The following FAM53B variants were observed in gnomAD, a reference collection of about 807,000 sequenced individuals.
FAM53B encodes family with sequence similarity 53 member B, also known as protein FAM53B.
Under a neutral mutation model 32.7 loss-of-function variants are expected in FAM53B, and 12 were observed. That is an observed-to-expected ratio of 0.37 (90% CI 0.24 to 0.59). FAM53B has a LOEUF of 0.59. Among genes scored for constraint, FAM53B ranks in the 20% least tolerant of loss-of-function variants. FAM53B has a pLI of 0.72. For synonymous variants in FAM53B, 234 were observed against 228.7 expected (o/e 1.02, Z -0.21); for missense variants, 477 against 577.7 (o/e 0.83, Z 1.79).
chr10:124,706,491 GC>G, intron 2 of FAM53B, 144 bp downstream of exon 2: 1 of 914,078 alleles, frequency 1.1e-6, no homozygotes. Context: ...GTGCCCTGTT[GC>G]CCCAGCCCGG....
At chr10:124,675,850 C>A (rs1949733331) in intron 4 of FAM53B, among the ~76,000 whole-genome samples, 1 of 152,376 alleles carries the variant, frequency 6.6e-6, no homozygotes, top group South Asian at 2.1e-4. Context: ...CCCAACTCTT[C>A]CTGTACTCTA....
intron 3 of FAM53B, among the ~76,000 whole-genome samples, chr10:124,695,370 T>C (rs928223264): frequency 1.3e-5 from 2 of 152,082 alleles, no homozygotes; most frequent in Non-Finnish European, 2.9e-5. Context: ...TTACCGCCTA[T>C]AAAAAACAGT....
intron 4 of FAM53B, among the ~76,000 whole-genome samples, chr10:124,653,002 T>C (rs937706607): frequency 2.0e-5 from 3 of 152,126 alleles, no homozygotes; most frequent in Admixed American, 2.0e-4. Context: ...AGGAGGAGAC[T>C]GTGCTGCCAG....
chr10:124,722,041 G>T (rs4962689), intron 1 of FAM53B, among the ~76,000 whole-genome samples: 1 of 152,074 alleles, frequency 6.6e-6, no homozygotes, highest in Non-Finnish European at 1.5e-5. Flanking sequence ...GAAGGGTAGG[G>T]GGAAGGCGGG....
chr10:124,629,258 G>A (rs532613826), intron 4 of FAM53B, among the ~76,000 whole-genome samples: 133 of 152,266 alleles, frequency 8.7e-4, no homozygotes, highest in African/African-American at 3.0e-3. Context: ...GCCCACATGA[G>A]GCTTCCTCTG....
At chr10:124,640,214 G>T (rs1949461528) in intron 4 of FAM53B, among the ~76,000 whole-genome samples, 1 of 152,224 alleles carries the variant, frequency 6.6e-6, no homozygotes, top group Non-Finnish European at 1.5e-5. Flanking sequence ...GCATTCTCAG[G>T]TGCACCCCGT....
chr10:124,700,927 C>T (rs762742547), intron 2 of FAM53B, among the ~76,000 whole-genome samples: 4 of 152,116 alleles, frequency 2.6e-5, no homozygotes, highest in Non-Finnish European at 4.4e-5. Flanking sequence ...CCGTGGCAGT[C>T]GAAAGCAAAA....
chr10:124,649,874 G>A (rs548158277), intron 4 of FAM53B, among the ~76,000 whole-genome samples: 16 of 152,198 alleles, frequency 1.1e-4, no homozygotes, highest in East Asian at 1.9e-4. Flanking sequence ...CCCAGGAAAC[G>A]CGCCATTCAT....
intron 4 of FAM53B, among the ~76,000 whole-genome samples, chr10:124,662,056 A>G (rs1716454684): frequency 1.3e-5 from 2 of 152,114 alleles, no homozygotes; most frequent in African/African-American, 4.8e-5. Context: ...TCTAGCCCTC[A>G]CTGGACCAGA....
intron 2 of FAM53B, among the ~76,000 whole-genome samples, chr10:124,705,298 G>A (rs1949946417): frequency 6.9e-6 from 1 of 143,924 alleles, no homozygotes; most frequent in Non-Finnish European, 1.6e-5. Context: ...GGGCTAGAGG[G>A]GCAGGAGGGA....
rs538392046 is a variant in FAM53B at position 124,654,091 on chromosome 10, G to C, written c.906+27516C>G. On this transcript the variant is annotated intron_variant, in intron 4 of 4. Coordinates refer to ENST00000337318, the MANE Select transcript of FAM53B (RefSeq NM_014661.4). ...ACACCAGCCACATGCCTCCTTATTT[G>C]GAAAAACTGTGGCTCTGGGAACTCA... 5.9e-5 allele frequency among the ~76,000 whole-genome samples: 9 copies of C among 152,308 alleles called. 1 individual carries two copies. The South Asian group carries it at 1.9e-3, about 32-fold the overall frequency.
chr10:124,688,572 C>G (rs1282365560), intron 3 of FAM53B, among the ~76,000 whole-genome samples: 1 of 152,206 alleles, frequency 6.6e-6, no homozygotes. Context: ...GGTTTGATGA[C>G]TGAGCTTGCA....
At chr10:124,624,890 G>A (rs564792922) in intron 4 of FAM53B, among the ~76,000 whole-genome samples, 17 of 152,342 alleles carry the variant, frequency 1.1e-4, no homozygotes, top group African/African-American at 3.6e-4. Context: ...CAACCGGACT[G>A]CAGCAACGAG....
intron 1 of FAM53B, among the ~76,000 whole-genome samples, chr10:124,737,017 G>A (rs1473424632): frequency 6.6e-6 from 1 of 152,236 alleles, no homozygotes; most frequent in Non-Finnish European, 1.5e-5. Context: ...ATCCCAACCT[G>A]GGGTGAGTGA....
chr10:124,737,554 T>C (rs767568489), intron 1 of FAM53B, among the ~76,000 whole-genome samples: 1 of 151,836 alleles, frequency 6.6e-6, no homozygotes, highest in Non-Finnish European at 1.5e-5. Flanking sequence ...GGAGACAGAG[T>C]CTGCACCTTT....
At chr10:124,630,800 C>A (rs1589730527) in intron 4 of FAM53B, among the ~76,000 whole-genome samples, 1 of 152,208 alleles carries the variant, frequency 6.6e-6, no homozygotes, top group Non-Finnish European at 1.5e-5. Flanking sequence ...TTCCTTAGCT[C>A]ATTTCTGCAG....
Position 124,625,070 on chromosome 10 carries a change from T to A in FAM53B, c.907-1466A>T, listed in dbSNP as rs190546551. Among the ~76,000 whole-genome samples, 170 of 152,340 alleles carry A rather than the reference T, an allele frequency of 1.1e-3. 3 individuals carry two copies. The highest frequency in any genetic ancestry group is 1.4e-3 in the Non-Finnish European group (92 of 68,034). ...CCTGCTGACGCCAAGACCACAGACC[T>A]GTCCCGAGGGCCTGATTCTTTCAAA... On this transcript the variant is annotated intron_variant, in intron 4 of 4. Transcript: ENST00000337318.
intron 4 of FAM53B, among the ~76,000 whole-genome samples, chr10:124,662,412 G>A (rs534457675): frequency 5.3e-5 from 8 of 152,128 alleles, no homozygotes; most frequent in East Asian, 1.9e-4. Flanking sequence ...TTGTGAGTTC[G>A]TTCGTCCGTC....
intron 1 of FAM53B, among the ~76,000 whole-genome samples, chr10:124,714,438 C>T (rs1286961060): frequency 6.6e-6 from 1 of 152,092 alleles, no homozygotes; most frequent in African/African-American, 2.4e-5. Flanking sequence ...CTGCCAGCAC[C>T]ACCCTCAACA....
Sources: gnomAD v4.1 joint callset for allele counts (sites outside exome capture counted in the v4.1 genomes callset) on GRCh38, gnomAD v4.1.1 for gene constraint, MANE v1.5 for transcripts, NCBI Gene and HGNC (gene_info 2026-07-23, HGNC 2026-07-21) for gene names.